The following ADAMTSL1 variants were observed in gnomAD, a reference collection of about 807,000 sequenced individuals.
ADAMTSL1 encodes ADAMTS-like protein 1.
A neutral mutation model predicts 201.8 loss-of-function variants in ADAMTSL1; 126 were observed. The ratio of observed to expected loss-of-function variants is 0.62; its 90% CI spans 0.54 to 0.72. The LOEUF (loss-of-function observed/expected upper bound fraction) is 0.72. ADAMTSL1 is among the 30% of genes least tolerant of loss of function. The pLI, the probability that ADAMTSL1 is intolerant of heterozygous loss-of-function variation, is 0.00. For missense variants in ADAMTSL1, 2,679 were observed against 2,277.8 expected, an observed-to-expected ratio of 1.18 and a Z score of -3.59; for synonymous variants, 1,121 against 903.4, an observed-to-expected ratio of 1.24 and a Z score of -4.32.
intron 2 of ADAMTSL1, among the ~76,000 whole-genome samples, chr9:18,527,554 A>G (rs1177929654): frequency 6.6e-6 from 1 of 152,204 alleles, no homozygotes; most frequent in Non-Finnish European, 1.5e-5. Context: ...ACCCTAGAGA[A>G]AAATCTTTTA....
intron 7 of ADAMTSL1, among the ~76,000 whole-genome samples, chr9:18,654,981 A>G (rs1341628001): frequency 6.6e-6 from 1 of 152,246 alleles, no homozygotes; most frequent in East Asian, 1.9e-4. Context: ...TCATGAGAGC[A>G]GCGACTGAAC....
chr9:18,493,404 C>A (rs1203491625), intron 1 of ADAMTSL1, among the ~76,000 whole-genome samples: 1 of 152,158 alleles, frequency 6.6e-6, no homozygotes, highest in Non-Finnish European at 1.5e-5. Context: ...GCCAGGACTT[C>A]CTCACCCACC....
intron 2 of ADAMTSL1, among the ~76,000 whole-genome samples, chr9:18,348,255 A>G (rs1442165601): frequency 2.6e-5 from 4 of 152,184 alleles, no homozygotes; most frequent in Non-Finnish European, 4.4e-5. Flanking sequence ...TGAATTTATT[A>G]ATGGGTCCCT....
Position 18,681,703 on chromosome 9 carries a change from G to T in ADAMTSL1, c.1342-109G>T, listed in dbSNP as rs533487198. 3.2e-4 allele frequency: 228 copies of T among 710,268 alleles called. 6 individuals carry two copies. Among genetic ancestry groups the T allele is most frequent in the East Asian group, 4.0e-4 (12 of 29,752 alleles). The allele number at this position is 710,268 out of a possible 1,614,324, so 44.0% of individuals were successfully genotyped here. On this transcript the variant is annotated intron_variant, in intron 11 of 28. Transcript: ENST00000380548. ...TTTACCAGGAGTCCTCGTGTGGGGG[G>T]GGGGGGCGGGGAAAAAGAAAACTTA...
At chr9:18,316,750 G>C (rs747951201) in intron 2 of ADAMTSL1, among the ~76,000 whole-genome samples, 8 of 152,150 alleles carry the variant, frequency 5.3e-5, no homozygotes. Context: ...AAGATTAAGA[G>C]ATTAAAGTAA....
intron 2 of ADAMTSL1, among the ~76,000 whole-genome samples, chr9:18,179,308 A>G (rs1328630599): frequency 6.6e-6 from 1 of 152,202 alleles, no homozygotes; most frequent in Non-Finnish European, 1.5e-5. Context: ...AAATGAAGCG[A>G]GAAGGGAAGT....
intron 1 of ADAMTSL1, among the ~76,000 whole-genome samples, chr9:18,037,878 G>A (rs994676958): frequency 1.3e-5 from 2 of 152,120 alleles, no homozygotes; most frequent in Non-Finnish European, 2.9e-5. Context: ...AATTAAAATA[G>A]GCATGTTCTC....
At chr9:18,882,791 C>T (rs1828613985) in intron 23 of ADAMTSL1, among the ~76,000 whole-genome samples, 1 of 151,988 alleles carries the variant, frequency 6.6e-6, no homozygotes, top group African/African-American at 2.4e-5. Context: ...GCCAGGAGTT[C>T]AAGACCAGCC....
Position 18,906,744 on chromosome 9 carries a change from G to A in ADAMTSL1, c.5014G>A (p.Val1672Ile). 6.2e-7 allele frequency: 1 copy of A among 1,613,456 alleles called. No individual in the cohort carries two copies. Among genetic ancestry groups the A allele is most frequent in the East Asian group, 2.2e-5 (1 of 44,858 alleles). The change falls in exon 28 of 29, where the codon GTC (valine) becomes ATC (isoleucine). Residue 1672 changes from valine (V) to isoleucine (I), a missense_variant. Coordinates refer to ENST00000380548, the MANE Select transcript of ADAMTSL1 (RefSeq NM_001040272.6). ...AGAGGCCTGCAGTGTACACTGGAGA[G>A]TCAGCCTGTGGACCCTGTGCACAGC... ...WSEACSVHWR[V>I]SLWTLCTATC...
Position 18,910,322 on chromosome 9 carries a change from A to G in ADAMTSL1, c.*1774A>G, listed in dbSNP as rs911792716. 2 of 152,340 alleles carry G rather than the reference A, an allele frequency of 1.3e-5. No individual in the cohort carries two copies. Among genetic ancestry groups the G allele is most frequent in the African/African-American group, 4.8e-5 (2 of 41,568 alleles). 9.4% of individuals were successfully genotyped at this position (152,340 alleles called of 1,614,324 possible). A position where few individuals can be genotyped will look rare whatever the true frequency, so the allele number is the denominator to read the frequency against. ...GTCTGTATATCTTTTGTGAATATTT[A>G]TTAGGATTTCTTATTAAAAAAGTGC... On this transcript the variant is annotated 3_prime_UTR_variant, in exon 29 of 29. Transcript: ENST00000380548.
intron 2 of ADAMTSL1, among the ~76,000 whole-genome samples, chr9:18,458,718 A>G (rs1820700126): frequency 1.3e-5 from 2 of 152,208 alleles, no homozygotes; most frequent in Admixed American, 6.5e-5. Flanking sequence ...TTTCTCTCCA[A>G]TGACAAAATC....
At chr9:18,626,820 T>C (rs1164173973) in intron 5 of ADAMTSL1, among the ~76,000 whole-genome samples, 1 of 143,560 alleles carries the variant, frequency 7.0e-6, no homozygotes, top group Admixed American at 7.3e-5. Context: ...TTTCTTTCTT[T>C]CTTTCTTTCT....
At chr9:18,232,864 A>G (rs1032349615) in intron 2 of ADAMTSL1, among the ~76,000 whole-genome samples, 2 of 152,192 alleles carry the variant, frequency 1.3e-5, no homozygotes, top group Non-Finnish European at 2.9e-5. Flanking sequence ...AACTACTTTG[A>G]TATTCAGCAT....
chr9:18,166,330 T>C (rs991970513), intron 2 of ADAMTSL1, among the ~76,000 whole-genome samples: 1 of 151,940 alleles, frequency 6.6e-6, no homozygotes, highest in Non-Finnish European at 1.5e-5. Flanking sequence ...AAACCCACCA[T>C]GCCTATCCTC....
chr9:18,313,494 C>G (rs10113897), intron 2 of ADAMTSL1, among the ~76,000 whole-genome samples: 1 of 151,914 alleles, frequency 6.6e-6, no homozygotes, highest in South Asian at 2.1e-4. Flanking sequence ...CTGGGTCAAA[C>G]CTCCAGAGAT....
At chr9:18,759,542 G>A (rs896600246) in intron 16 of ADAMTSL1, among the ~76,000 whole-genome samples, 15 of 152,058 alleles carry the variant, frequency 9.9e-5, no homozygotes, top group Admixed American at 9.8e-4. Flanking sequence ...GTCCCAGGGA[G>A]GAAAAAACTC....
At chr9:18,840,482 T>A (rs1380375010) in intron 23 of ADAMTSL1, among the ~76,000 whole-genome samples, 1 of 152,230 alleles carries the variant, frequency 6.6e-6, no homozygotes, top group Non-Finnish European at 1.5e-5. Flanking sequence ...TGCCTCCAGC[T>A]TTGTTCTTTT....
rs570137105 is a variant in ADAMTSL1, at chr9:18,300,466, AG to A, written c.207+136491del. On this transcript the variant is annotated intron_variant, in intron 2 of 29. Coordinates refer to the ADAMTSL1 transcript ENST00000680146. The stretch of plus-strand genomic sequence containing the variant: ...TCACACACTGGGGCCTGTCAGGGGG[AG>A]GGGGGCTGGGGGAGGGATAGCATTA... Among the ~76,000 whole-genome samples, 482 of 51,782 alleles carry A rather than the reference AG, an allele frequency of 9.3e-3. 10 individuals are homozygous for A. The highest frequency in any genetic ancestry group is 0.065 in the Admixed American group (345 of 5,336). The allele number at this position is 51,782 out of a possible 152,430, so 34.0% of individuals were successfully genotyped here.
intron 2 of ADAMTSL1, among the ~76,000 whole-genome samples, chr9:18,248,879 A>G (rs1382739238): frequency 6.6e-6 from 1 of 152,186 alleles, no homozygotes; most frequent in Non-Finnish European, 1.5e-5. Context: ...TAGTTGAATA[A>G]ATCTCAGCTT....
Sources: gnomAD v4.1 joint callset for allele counts (sites outside exome capture counted in the v4.1 genomes callset) on GRCh38, gnomAD v4.1.1 for gene constraint, MANE v1.5 for transcripts, NCBI Gene and HGNC (gene_info 2026-07-23, HGNC 2026-07-21) for gene names.